CACNA2D3: variants seen among roughly 807,000 people sequenced by gnomAD.
The protein encoded by CACNA2D3 is voltage-dependent calcium channel subunit alpha-2/delta-3.
In CACNA2D3, 60 loss-of-function variants were observed where a neutral mutation model predicts 160.6. That is an observed-to-expected ratio of 0.37 (90% CI 0.30 to 0.46). The LOEUF is 0.46. Among genes scored for constraint, CACNA2D3 ranks in the 20% least tolerant of loss-of-function variants. The pLI, the probability that CACNA2D3 is intolerant of heterozygous loss-of-function variation, is 1.00. For synonymous variants in CACNA2D3, 558 were observed against 492.9 expected, an observed-to-expected ratio of 1.13 and a Z score of -1.75; for missense variants, 1,205 against 1,365.0, an observed-to-expected ratio of 0.88 and a Z score of 1.85.
intron 35 of CACNA2D3, among the ~76,000 whole-genome samples, chr3:55,058,624 T>C (rs1395627981): frequency 6.6e-6 from 1 of 152,178 alleles, no homozygotes; most frequent in Non-Finnish European, 1.5e-5. Context: ...TACATATATA[T>C]ATATGTTTTT....
At chr3:54,625,779 A>G (rs573848160) in intron 9 of CACNA2D3, among the ~76,000 whole-genome samples, 1 of 152,156 alleles carries the variant, frequency 6.6e-6, no homozygotes, top group Non-Finnish European at 1.5e-5. Flanking sequence ...GGGGGCTCCT[A>G]CTGCTTCTGA....
chr3:54,373,509 T>C (rs1198013145), intron 3 of CACNA2D3, among the ~76,000 whole-genome samples: 3 of 152,188 alleles, frequency 2.0e-5, no homozygotes, highest in African/African-American at 4.8e-5. Flanking sequence ...GCCTATATTA[T>C]ATATGTAATT....
intron 2 of CACNA2D3, among the ~76,000 whole-genome samples, chr3:54,137,160 G>A (rs1269290122): frequency 6.6e-6 from 1 of 152,180 alleles, no homozygotes; most frequent in Admixed American, 6.5e-5. Flanking sequence ...GCTGGCACAG[G>A]GTATAGCCTT....
rs1274277229 is a variant in CACNA2D3, at chr3:54,350,992, T to TG, written c.321+30434_321+30435insG. 4.7e-4 allele frequency among the ~76,000 whole-genome samples: 52 copies of TG among 111,032 alleles called. 1 individual carries two copies. Among genetic ancestry groups the TG allele is most frequent in the Non-Finnish European group, 9.0e-4 (46 of 51,216 alleles). The allele number at this position is 111,032 out of a possible 152,430, so 72.8% of individuals were successfully genotyped here. Reference sequence around the variant, plus strand: ...TGTTTTTTTTTTTTTGTTTGTTTTTTTTTTTTTTTTTTTTGAGACAGAGTC... The same window carrying TG: ...TGTTTTTTTTTTTTTGTTTGTTTTTTGTTTTTTTTTTTTTTGAGACAGAGTC... On this transcript the variant is annotated intron_variant, in intron 3 of 37. Coordinates refer to ENST00000474759, the MANE Select transcript of CACNA2D3 (RefSeq NM_018398.3).
chr3:54,577,502 G>T (rs1346794038), intron 8 of CACNA2D3, among the ~76,000 whole-genome samples: 6 of 152,200 alleles, frequency 3.9e-5, no homozygotes, highest in African/African-American at 9.6e-5. Context: ...ACATGCCCCT[G>T]TTCCAAAGAG....
chr3:54,332,546 T>A lies in CACNA2D3; in HGVS notation c.321+11988T>A, dbSNP rs969500450. ...TCCAATGTGTAAATCAAGTTCAGGT[T>A]CTCTGATTTATCTGGTAACCACAGC... On this transcript the variant is annotated intron_variant, in intron 3 of 37. Coordinates refer to ENST00000474759, the MANE Select transcript of CACNA2D3 (RefSeq NM_018398.3). 2.6e-5 allele frequency among the ~76,000 whole-genome samples: 4 copies of A among 152,376 alleles called. 1 individual carries two copies. The highest frequency in any genetic ancestry group is 9.6e-5 in the African/African-American group (4 of 41,596).
intron 2 of CACNA2D3, among the ~76,000 whole-genome samples, chr3:54,172,154 C>G (rs952207111): frequency 2.0e-5 from 3 of 152,192 alleles, no homozygotes; most frequent in African/African-American, 7.2e-5. Flanking sequence ...AGGCATTCAC[C>G]ACTCCACTCT....
intron 11 of CACNA2D3, among the ~76,000 whole-genome samples, chr3:54,714,960 C>T (rs1701024431): frequency 1.3e-5 from 2 of 152,174 alleles, no homozygotes; most frequent in Admixed American, 1.3e-4. Context: ...AGTTTTTTCT[C>T]CACACACCAA....
chr3:54,889,906 G>A (rs1369144932), intron 24 of CACNA2D3, among the ~76,000 whole-genome samples: 1 of 152,124 alleles, frequency 6.6e-6, no homozygotes, highest in East Asian at 1.9e-4. Context: ...ACATACTAAA[G>A]ATTTCCAAAA....
chr3:54,586,079 A>T (rs1702755445), intron 9 of CACNA2D3, among the ~76,000 whole-genome samples: 1 of 152,106 alleles, frequency 6.6e-6, no homozygotes, highest in South Asian at 2.1e-4. Context: ...CCTGGCTAAC[A>T]TGTTGAAATC....
intron 3 of CACNA2D3, among the ~76,000 whole-genome samples, chr3:54,330,389 G>A (rs1040283745): frequency 1.3e-4 from 20 of 152,160 alleles, no homozygotes; most frequent in African/African-American, 4.1e-4. Context: ...TGCAAAGCCC[G>A]TGATGGATGT....
intron 27 of CACNA2D3, among the ~76,000 whole-genome samples, chr3:54,950,603 A>G (rs1701733738): frequency 1.3e-5 from 2 of 152,216 alleles, no homozygotes. Flanking sequence ...AAATATGCCA[A>G]CAGGAGAGTG....
chr3:54,456,295 G>C (rs1168689042), intron 4 of CACNA2D3, among the ~76,000 whole-genome samples: 1 of 151,786 alleles, frequency 6.6e-6, no homozygotes, highest in Non-Finnish European at 1.5e-5. Flanking sequence ...TTATTCTTAA[G>C]TATTTTATTT....
intron 4 of CACNA2D3, among the ~76,000 whole-genome samples, chr3:54,460,688 G>A (rs1246836446): frequency 6.6e-6 from 1 of 152,078 alleles, no homozygotes; most frequent in Non-Finnish European, 1.5e-5. Flanking sequence ...GAGGCAATGG[G>A]GTTTTCTAGA....
At chr3:54,824,147 G>T (rs1219436526) in intron 14 of CACNA2D3, among the ~76,000 whole-genome samples, 2 of 152,200 alleles carry the variant, frequency 1.3e-5, no homozygotes, top group Non-Finnish European at 2.9e-5. Context: ...TAAACAGTGG[G>T]TTGTCTTACG....
chr3:54,859,159 G>A (rs917293493), intron 17 of CACNA2D3, among the ~76,000 whole-genome samples: 3 of 152,166 alleles, frequency 2.0e-5, no homozygotes, highest in African/African-American at 7.2e-5. Flanking sequence ...AATTACTGCA[G>A]CTCAAACCTC....
chr3:54,363,223 T>A (rs990837469), intron 3 of CACNA2D3, among the ~76,000 whole-genome samples: 5 of 151,372 alleles, frequency 3.3e-5, no homozygotes, highest in African/African-American at 1.2e-4. Context: ...ATGTGCAACA[T>A]CAATCACTTT....
chr3:54,432,294 C>G (rs1364278574), intron 4 of CACNA2D3, among the ~76,000 whole-genome samples: 1 of 152,078 alleles, frequency 6.6e-6, no homozygotes, highest in African/African-American at 2.4e-5. Flanking sequence ...AAAATAAACT[C>G]TTTTCTGTCT....
At chr3:54,458,335 T>C (rs1364426777) in intron 4 of CACNA2D3, among the ~76,000 whole-genome samples, 2 of 152,172 alleles carry the variant, frequency 1.3e-5, no homozygotes, top group African/African-American at 4.8e-5. Flanking sequence ...CCTGTAAGCA[T>C]TGCTTTGTAA....
Sources: gnomAD v4.1 joint callset for allele counts (sites outside exome capture counted in the v4.1 genomes callset) on GRCh38, gnomAD v4.1.1 for gene constraint, MANE v1.5 for transcripts, NCBI Gene and HGNC (gene_info 2026-07-23, HGNC 2026-07-21) for gene names.